Variants in PAPSS2 observed in about 807,000 individuals in gnomAD.
The protein encoded by PAPSS2 is bifunctional 3'-phosphoadenosine 5'-phosphosulfate synthase 2.
PAPSS2 carries 61 observed loss-of-function variants against 66.5 expected under a neutral mutation model. The ratio of observed to expected loss-of-function variants is 0.92; its 90% confidence interval spans 0.75 to 1.14. The LOEUF is 1.14. Among genes scored for constraint, PAPSS2 ranks in the 50% most tolerant of loss-of-function variants. The probability of loss-of-function intolerance (pLI) is 0.00; values close to 1 mark genes in which losing one functional copy is unlikely to be tolerated. For synonymous variants in PAPSS2, 289 were observed against 287.5 expected, an observed-to-expected ratio of 1.01 and a Z score of -0.05; for missense variants, 708 against 789.6, an observed-to-expected ratio of 0.90 and a Z score of 1.24.
chr10:87,665,581 T>G (rs1047683589), intron 1 of PAPSS2, among the ~76,000 whole-genome samples: 1 of 152,216 alleles, frequency 6.6e-6, no homozygotes, highest in Admixed American at 6.5e-5. Context: ...AGAGCCAGCT[T>G]GTGAATACAA....
intron 1 of PAPSS2, among the ~76,000 whole-genome samples, chr10:87,695,963 T>C (rs568167916): frequency 6.6e-6 from 1 of 152,316 alleles, no homozygotes; most frequent in Non-Finnish European, 1.5e-5. Context: ...AAACTTCCCC[T>C]GGCCTCACTG....
intron 1 of PAPSS2, among the ~76,000 whole-genome samples, chr10:87,697,859 A>G (rs7071415): frequency 0.068 from 10,413 of 152,216 alleles, 1,009 homozygotes; most frequent in African/African-American, 0.22. Context: ...GACATCTAAC[A>G]TATGTGGTAG....
chr10:87,688,364 T>C (rs867584771), intron 1 of PAPSS2, among the ~76,000 whole-genome samples: 1 of 151,786 alleles, frequency 6.6e-6, no homozygotes, highest in Non-Finnish European at 1.5e-5. Flanking sequence ...ACCTTAAATA[T>C]ACCATTTGTA....
At chr10:87,680,640 T>C (rs1853008339) in intron 1 of PAPSS2, among the ~76,000 whole-genome samples, 1 of 152,122 alleles carries the variant, frequency 6.6e-6, no homozygotes, top group African/African-American at 2.4e-5. Context: ...AAATTTTCAG[T>C]GTGCTACTCA....
chr10:87,704,807 A>T (rs1296799258), intron 1 of PAPSS2, among the ~76,000 whole-genome samples: 1 of 151,970 alleles, frequency 6.6e-6, no homozygotes, highest in Non-Finnish European at 1.5e-5. Flanking sequence ...CTGCACAGCT[A>T]ATTTTTGTAT....
intron 1 of PAPSS2, among the ~76,000 whole-genome samples, chr10:87,673,689 C>A: frequency 1.5e-5 from 1 of 67,412 alleles, no homozygotes; most frequent in South Asian, 6.5e-4. Flanking sequence ...TTTTGGCTTA[C>A]TTTTTTTTTT....
chr10:87,732,198 G>T (rs1174696208), intron 9 of PAPSS2, among the ~76,000 whole-genome samples: 1 of 152,196 alleles, frequency 6.6e-6, no homozygotes, highest in East Asian at 1.9e-4. Context: ...ACTCTCTGAA[G>T]GCTCAGAGGA....
At chr10:87,710,863 C>T (rs894728057) in intron 2 of PAPSS2, among the ~76,000 whole-genome samples, 6 of 152,076 alleles carry the variant, frequency 3.9e-5, no homozygotes, top group African/African-American at 9.6e-5. Flanking sequence ...ATTAGCCAGG[C>T]GTGGTGGTGC....
intron 1 of PAPSS2, among the ~76,000 whole-genome samples, chr10:87,668,798 A>G (rs1048596809): frequency 1.3e-5 from 2 of 152,070 alleles, no homozygotes; most frequent in African/African-American, 4.8e-5. Context: ...GCCAGGATCT[A>G]TGGCCATTCT....
chr10:87,693,141 T>C (rs1853191541), intron 1 of PAPSS2, among the ~76,000 whole-genome samples: 1 of 152,228 alleles, frequency 6.6e-6, no homozygotes, highest in Non-Finnish European at 1.5e-5. Flanking sequence ...GGTCCACTTT[T>C]GATGACTGGG....
intron 1 of PAPSS2, among the ~76,000 whole-genome samples, chr10:87,688,804 T>C (rs1264639944): frequency 6.6e-6 from 1 of 152,144 alleles, no homozygotes; most frequent in Non-Finnish European, 1.5e-5. Context: ...GTCCTTCTTA[T>C]TCAGACTTCT....
At chr10:87,697,399 C>T (rs373648925) in intron 1 of PAPSS2, among the ~76,000 whole-genome samples, 19 of 152,138 alleles carry the variant, frequency 1.2e-4, no homozygotes, top group East Asian at 1.2e-3. Context: ...GTACCCACTG[C>T]GGAAGGGTGA....
chr10:87,676,402 T>C (rs1041736843), intron 1 of PAPSS2, among the ~76,000 whole-genome samples: 6 of 152,160 alleles, frequency 3.9e-5, no homozygotes, highest in African/African-American at 1.4e-4. Context: ...GGAAGAACCC[T>C]CCAAAAACGG....
At chr10:87,734,137 T>C (rs1472958151) in intron 9 of PAPSS2, among the ~76,000 whole-genome samples, 1 of 152,158 alleles carries the variant, frequency 6.6e-6, no homozygotes, top group Non-Finnish European at 1.5e-5. Context: ...TTTATTAAGA[T>C]ACAATTTACC....
At chr10:87,698,086 A>T (rs1853257476) in intron 1 of PAPSS2, among the ~76,000 whole-genome samples, 1 of 152,232 alleles carries the variant, frequency 6.6e-6, no homozygotes, top group Admixed American at 6.5e-5. Flanking sequence ...AAGATGCCGT[A>T]AGTATGACCT....
intron 7 of PAPSS2, among the ~76,000 whole-genome samples, chr10:87,719,053 A>T (rs896100761): frequency 6.6e-6 from 1 of 151,678 alleles, no homozygotes; most frequent in Non-Finnish European, 1.5e-5. Context: ...GGACATACTT[A>T]TACAACCCCA....
At chr10:87,693,691 G>T (rs946358053) in intron 1 of PAPSS2, among the ~76,000 whole-genome samples, 6 of 152,170 alleles carry the variant, frequency 3.9e-5, no homozygotes, top group African/African-American at 1.4e-4. Context: ...AAATGCATTG[G>T]TTCACATTAG....
intron 9 of PAPSS2, among the ~76,000 whole-genome samples, chr10:87,734,211 T>C (rs1354542162): frequency 6.6e-6 from 1 of 152,154 alleles, no homozygotes; most frequent in East Asian, 1.9e-4. Flanking sequence ...AGCTGGTCAT[T>C]CGATCATGCG....
At chr10:87,708,446 A>T (rs906591032) in intron 1 of PAPSS2, among the ~76,000 whole-genome samples, 3 of 152,108 alleles carry the variant, frequency 2.0e-5, no homozygotes, top group African/African-American at 7.2e-5. Flanking sequence ...GATATTACTG[A>T]CTTTAACCCT....
Sources: allele counts gnomAD v4.1 joint callset (sites outside exome capture counted in the v4.1 genomes callset), GRCh38; gene constraint gnomAD v4.1.1; transcripts MANE v1.5; gene names NCBI Gene and HGNC (gene_info 2026-07-23, HGNC 2026-07-21).